CNTNAP3B: variants seen among roughly 807,000 people sequenced by gnomAD.
The protein encoded by CNTNAP3B is contactin-associated protein-like 3B.
CNTNAP3B carries 25 observed loss-of-function variants against 108.9 expected under a neutral mutation model. The observed-to-expected ratio is 0.23, with a 90% CI of 0.17 to 0.32. CNTNAP3B has a LOEUF of 0.32. Among genes scored for constraint, CNTNAP3B ranks in the 10% least tolerant of loss-of-function variants. The pLI, the probability that CNTNAP3B is intolerant of heterozygous loss-of-function variation, is 1.00. For missense variants in CNTNAP3B, 252 were observed against 1,210.4 expected, an observed-to-expected ratio of 0.21 and a Z score of 11.75; for synonymous variants, 103 against 473.4, an observed-to-expected ratio of 0.22 and a Z score of 10.16.
At chr9:41,922,031 G>T (rs1554736542) in intron 17 of CNTNAP3B, among the ~76,000 whole-genome samples, 1 of 131,910 alleles carries the variant, frequency 7.6e-6, no homozygotes, top group African/African-American at 2.9e-5. Flanking sequence ...TGTCACATAT[G>T]CCAATCCTCT....
rs1391195992 is a variant in CNTNAP3B, at chr9:42,096,011, C to G, written c.196+8618G>C. ...ACCCTTTCTCCTCCCTCTGCCAGAC[C>G]TCAGGCAGGAACATGGTCTTGCTCA... On this transcript the variant is annotated intron_variant, in intron 2 of 23. Transcript: ENST00000377561. 1.4e-5 allele frequency among the ~76,000 whole-genome samples: 2 copies of G among 138,678 alleles called. 1 individual carries two copies. The highest frequency in any genetic ancestry group is 4.4e-4 in the East Asian group (2 of 4,576). 91.0% of individuals were successfully genotyped at this position (138,678 alleles called of 152,430 possible).
intron 14 of CNTNAP3B, among the ~76,000 whole-genome samples, chr9:41,931,861 T>A (rs1823988628): frequency 6.8e-6 from 1 of 148,142 alleles, no homozygotes; most frequent in Non-Finnish European, 1.5e-5. Context: ...GATGCTTGTA[T>A]TTTAAAAGAT....
intron 12 of CNTNAP3B, 110 bp from the exon 13 acceptor site, chr9:41,953,496 G>T (rs1289931556): frequency 9.7e-6 from 13 of 1,337,720 alleles, no homozygotes; most frequent in Non-Finnish European, 1.3e-5. Context: ...TTACATTACT[G>T]CATGTTTGCC....
intron 3 of CNTNAP3B, among the ~76,000 whole-genome samples, chr9:42,020,601 C>T (rs1312850568): frequency 4.7e-5 from 7 of 148,916 alleles, no homozygotes; most frequent in African/African-American, 1.8e-4. Flanking sequence ...GGCATTGTTG[C>T]AAAATCAGGA....
intron 3 of CNTNAP3B, among the ~76,000 whole-genome samples, chr9:42,058,227 C>T (rs953959629): frequency 6.6e-6 from 1 of 152,004 alleles, no homozygotes; most frequent in Non-Finnish European, 1.5e-5. Flanking sequence ...TGGATACATA[C>T]ACAATAGTGG....
At position 41,981,923 on chromosome 9, in the gene CNTNAP3B, G is replaced by T. The variant is rs1458475684; in HGVS notation, c.1477+4245C>A. Among the ~76,000 whole-genome samples the T allele has an allele frequency of 1.6e-3, 76 of 47,036 alleles. 3 individuals are homozygous for T. Among genetic ancestry groups the T allele is most frequent in the African/African-American group, 4.8e-3 (75 of 15,734 alleles). 30.9% of individuals were successfully genotyped at this position (47,036 alleles called of 152,430 possible). On this transcript the variant is annotated intron_variant, in intron 9 of 23. Coordinates refer to ENST00000377561, the MANE Select transcript of CNTNAP3B (RefSeq NM_001201380.3). ...TAATAATAATAATAATAATAAATTA[G>T]CTGAATGTGGTGGCACGTGCCTGTA...
At chr9:41,937,471 T>C (rs1180176986) in intron 14 of CNTNAP3B, among the ~76,000 whole-genome samples, 2 of 151,266 alleles carry the variant, frequency 1.3e-5, no homozygotes, top group African/African-American at 2.4e-5. Flanking sequence ...CTAGTTGTTT[T>C]ATGACAATGC....
intron 2 of CNTNAP3B, among the ~76,000 whole-genome samples, chr9:42,087,687 T>C (rs1207044967): frequency 7.2e-6 from 1 of 138,598 alleles, no homozygotes; most frequent in Non-Finnish European, 1.6e-5. Flanking sequence ...CTCTATGATA[T>C]TAACTTATAT....
chr9:41,917,070 G>A (rs932957071), intron 18 of CNTNAP3B, among the ~76,000 whole-genome samples: 1 of 152,286 alleles, frequency 6.6e-6, no homozygotes, highest in African/African-American at 2.4e-5. Context: ...TTAGATTAAT[G>A]ATTTTTATTA....
chr9:41,958,786 T>G (rs1824960527), intron 12 of CNTNAP3B, among the ~76,000 whole-genome samples: 1 of 151,804 alleles, frequency 6.6e-6, no homozygotes, highest in Non-Finnish European at 1.5e-5. Flanking sequence ...AAGACCTTGT[T>G]AAGAAGAACA....
intron 3 of CNTNAP3B, among the ~76,000 whole-genome samples, chr9:42,061,450 T>A (rs1320337330): frequency 7.4e-6 from 1 of 134,892 alleles, no homozygotes; most frequent in Middle Eastern, 3.4e-3. Context: ...CCCGAGTAGC[T>A]GGGACAGCAG....
chr9:42,011,722 G>A lies in CNTNAP3B; in HGVS notation c.538+1656C>T, dbSNP rs1486694704. The A allele has an allele frequency of 9.2e-4, 70 of 76,274 alleles. 17 individuals carry two copies. The highest frequency in any genetic ancestry group is 3.4e-3 in the African/African-American group (69 of 20,566). The allele number at this position is 76,274 out of a possible 1,614,324, so 4.7% of individuals were successfully genotyped here. A position where few individuals can be genotyped will look rare whatever the true frequency, so the allele number is the denominator to read the frequency against. The stretch of plus-strand genomic sequence containing the variant: ...AGCAACGTTCTAGAAAACAAGCAGG[G>A]CAGTGGAAATACAAAGGAAAATACT... On this transcript the variant is annotated intron_variant, in intron 4 of 23. Transcript: ENST00000377561.
intron 1 of CNTNAP3B, among the ~76,000 whole-genome samples, chr9:42,107,879 G>A (rs1828112981): frequency 7.8e-6 from 1 of 127,956 alleles, no homozygotes; most frequent in Non-Finnish European, 1.6e-5. Flanking sequence ...GGAGGCTGAA[G>A]CAGGAGAATC....
chr9:42,095,910 G>A (rs572989505), intron 2 of CNTNAP3B, among the ~76,000 whole-genome samples: 1 of 138,676 alleles, frequency 7.2e-6, no homozygotes, highest in East Asian at 2.2e-4. Context: ...CTGTCCTCAG[G>A]GATGGCGACC....
At chr9:42,033,314 T>C (rs1207977630) in intron 3 of CNTNAP3B, among the ~76,000 whole-genome samples, 1 of 150,228 alleles carries the variant, frequency 6.7e-6, no homozygotes, top group African/African-American at 2.5e-5. Context: ...TAGAAGCAAA[T>C]AAATATAAGT....
At chr9:41,943,821 C>A (rs1207474588) in intron 13 of CNTNAP3B, among the ~76,000 whole-genome samples, 1 of 152,146 alleles carries the variant, frequency 6.6e-6, no homozygotes, top group Non-Finnish European at 1.5e-5. Flanking sequence ...TCAGCAATCA[C>A]CAAGCAGGTT....
rs548325172 is a variant in CNTNAP3B, at chr9:42,090,973, T to TAC, written c.196+13654_196+13655dup. The stretch of plus-strand genomic sequence containing the variant: ...CTGACTCTCTCTAAATATATATATA[T>TAC]ACACACACACACACACACACACACA... On this transcript the variant is annotated intron_variant, in intron 2 of 23. Transcript: ENST00000377561. 9.3e-3 allele frequency among the ~76,000 whole-genome samples: 353 copies of TAC among 37,786 alleles called. 106 individuals carry two copies. Among genetic ancestry groups the TAC allele is most frequent in the African/African-American group, 0.02 (276 of 13,986 alleles). 24.8% of individuals were successfully genotyped at this position (37,786 alleles called of 152,430 possible).
At chr9:41,961,001 A>C in intron 11 of CNTNAP3B, 109 bp from the exon 12 acceptor site, 3 of 1,506,884 alleles carry the variant, frequency 2.0e-6, no homozygotes, top group South Asian at 2.7e-5. Context: ...ATATGACCCA[A>C]CATCATTTTT....
chr9:42,030,750 C>CAGAGAGACAGAGAGAGAGAGAG (rs1335836899), intron 3 of CNTNAP3B, among the ~76,000 whole-genome samples: 1 of 60,404 alleles, frequency 1.7e-5, no homozygotes, highest in African/African-American at 7.7e-5. Flanking sequence ...GAAAGAGATA[C>CAGAGAGACAGAGAGAGAGAGAG]AGAGAGAGAG....
Sources: gnomAD v4.1 joint callset for allele counts (sites outside exome capture counted in the v4.1 genomes callset) on GRCh38, gnomAD v4.1.1 for gene constraint, MANE v1.5 for transcripts, NCBI Gene and HGNC (gene_info 2026-07-23, HGNC 2026-07-21) for gene names.